PPM1L: variants seen among roughly 807,000 people sequenced by gnomAD.
PPM1L encodes protein phosphatase 1L.
PPM1L carries 13 observed loss-of-function variants against 31.4 expected under a neutral mutation model. That is an observed-to-expected ratio of 0.41 (90% CI 0.27 to 0.66). The LOEUF (loss-of-function observed/expected upper bound fraction) is 0.66. PPM1L is among the 30% of genes least tolerant of loss of function. The pLI, the probability that PPM1L is intolerant of heterozygous loss-of-function variation, is 0.29. For synonymous variants in PPM1L, 184 were observed against 175.4 expected, an observed-to-expected ratio of 1.05 and a Z score of -0.39; for missense variants, 326 against 453.7, an observed-to-expected ratio of 0.72 and a Z score of 2.56.
At chr3:160,761,010 T>C (rs1714955272) in intron 1 of PPM1L, among the ~76,000 whole-genome samples, 1 of 152,180 alleles carries the variant, frequency 6.6e-6, no homozygotes, top group Admixed American at 6.5e-5. Flanking sequence ...GAAAATAAAC[T>C]CCTTATGGAG....
At chr3:160,884,524 G>A (rs931372249) in intron 1 of PPM1L, among the ~76,000 whole-genome samples, 6 of 152,220 alleles carry the variant, frequency 3.9e-5, no homozygotes, top group African/African-American at 1.4e-4. Flanking sequence ...GGCACTGATA[G>A]TTTTAGCAGT....
At chr3:160,871,940 CT>C (rs909727301) in intron 1 of PPM1L, among the ~76,000 whole-genome samples, 358 of 151,342 alleles carry the variant, frequency 2.4e-3, no homozygotes, top group African/African-American at 8.4e-3. Context: ...ATTAAAGCAT[CT>C]TTTTTTTAAT....
chr3:160,968,622 T>A (rs1299261766), intron 2 of PPM1L, among the ~76,000 whole-genome samples: 1 of 152,212 alleles, frequency 6.6e-6, no homozygotes, highest in Non-Finnish European at 1.5e-5. Context: ...ACATATTCCT[T>A]TGTTAAGGAT....
chr3:160,926,894 A>G (rs1714612667), intron 1 of PPM1L, among the ~76,000 whole-genome samples: 1 of 152,230 alleles, frequency 6.6e-6, no homozygotes, highest in Non-Finnish European at 1.5e-5. Context: ...TTTAAGAGGC[A>G]AGGCACTTGT....
chr3:160,915,749 A>G (rs1278315702), intron 1 of PPM1L, among the ~76,000 whole-genome samples: 1 of 152,222 alleles, frequency 6.6e-6, no homozygotes, highest in African/African-American at 2.4e-5. Flanking sequence ...CTCAGAAATA[A>G]TGCTGCATAT....
chr3:160,774,708 T>C (rs952527279), intron 1 of PPM1L, among the ~76,000 whole-genome samples: 11 of 152,234 alleles, frequency 7.2e-5, no homozygotes, highest in Non-Finnish European at 1.2e-4. Flanking sequence ...CACATAGCCA[T>C]GGGGAAGAGG....
At chr3:160,912,735 A>C (rs1179231348) in intron 1 of PPM1L, among the ~76,000 whole-genome samples, 2 of 152,194 alleles carry the variant, frequency 1.3e-5, no homozygotes, top group Non-Finnish European at 2.9e-5. Flanking sequence ...TTATGTATGT[A>C]CTAATTTACT....
intron 1 of PPM1L, among the ~76,000 whole-genome samples, chr3:160,932,042 T>C (rs1331573442): frequency 2.0e-5 from 3 of 152,186 alleles, no homozygotes; most frequent in Admixed American, 2.0e-4. Context: ...ACTAATTTAT[T>C]TTATTTCAAA....
chr3:160,893,380 G>C lies in PPM1L; in HGVS notation c.400-68356G>C, dbSNP rs1713220026. 2.6e-5 allele frequency among the ~76,000 whole-genome samples: 4 copies of C among 152,106 alleles called. No homozygotes were observed. In the South Asian group the frequency reaches 8.3e-4, roughly 32 times the overall value. The stretch of plus-strand genomic sequence containing the variant: ...GTATATAGTGAACATCTTCCCTCCA[G>C]CTGAGCTTTTGAAATAGCTCACTCA... On this transcript the variant is annotated intron_variant, in intron 1 of 3. Transcript: ENST00000498165.
Position 161,076,135 on chromosome 3 carries a change from G to T in PPM1L, c.*6978G>T. 1 of 152,142 alleles carries T rather than the reference G, an allele frequency of 6.6e-6. No homozygotes were observed. The highest frequency in any genetic ancestry group is 1.9e-4 in the East Asian group (1 of 5,198). 9.4% of individuals were successfully genotyped at this position (152,142 alleles called of 1,614,324 possible). On this transcript the variant is annotated 3_prime_UTR_variant, in exon 4 of 4. Transcript: ENST00000498165. ...AGTTTTCTAATCCATATAATGCAAT[G>T]GGTCAGGTTGCTCATATGATTAAAA...
chr3:160,973,782 T>G (rs1310077014), intron 2 of PPM1L, among the ~76,000 whole-genome samples: 5 of 97,836 alleles, frequency 5.1e-5, no homozygotes, highest in African/African-American at 1.7e-4. Context: ...TTTTTTTTTT[T>G]TTTTTTTTTT....
intron 1 of PPM1L, among the ~76,000 whole-genome samples, chr3:160,901,370 A>G (rs907049248): frequency 2.0e-5 from 3 of 151,996 alleles, no homozygotes; most frequent in Non-Finnish European, 4.4e-5. Flanking sequence ...TCCACACCCC[A>G]TTCTCTGACA....
chr3:160,923,769 CT>C (rs1416163357), intron 1 of PPM1L, among the ~76,000 whole-genome samples: 1 of 152,194 alleles, frequency 6.6e-6, no homozygotes, highest in African/African-American at 2.4e-5. Context: ...AAGAATGATT[CT>C]CTGACTGGCA....
At chr3:161,022,073 C>T in intron 2 of PPM1L, 1 of 586,828 alleles carries the variant, frequency 1.7e-6, no homozygotes, top group Non-Finnish European at 3.0e-6. Flanking sequence ...GTATTTTGTT[C>T]CTTTATCACT....
At chr3:160,810,099 A>G (rs949066486) in intron 1 of PPM1L, among the ~76,000 whole-genome samples, 16 of 151,852 alleles carry the variant, frequency 1.1e-4, no homozygotes, top group African/African-American at 3.6e-4. Context: ...TTGCATCATG[A>G]CTGATATTAC....
intron 1 of PPM1L, among the ~76,000 whole-genome samples, chr3:160,925,330 GTTT>G (rs371928154): frequency 1.3e-5 from 2 of 152,076 alleles, no homozygotes; most frequent in Admixed American, 1.3e-4. Flanking sequence ...TTTTTGAGAG[GTTT>G]TTTATTTATT....
At chr3:160,898,166 GA>G (rs1431476658) in intron 1 of PPM1L, among the ~76,000 whole-genome samples, 1 of 152,076 alleles carries the variant, frequency 6.6e-6, no homozygotes, top group Non-Finnish European at 1.5e-5. Context: ...TTGGCATGCA[GA>G]GCCTCATATA....
At chr3:160,973,695 A>G (rs1223063846) in intron 2 of PPM1L, among the ~76,000 whole-genome samples, 1 of 136,468 alleles carries the variant, frequency 7.3e-6, no homozygotes, top group Non-Finnish European at 1.6e-5. Context: ...TGCAAATGTT[A>G]TGTTCAGTCT....
chr3:160,944,154 A>G (rs1161932786), intron 1 of PPM1L, among the ~76,000 whole-genome samples: 1 of 152,008 alleles, frequency 6.6e-6, no homozygotes, highest in Non-Finnish European at 1.5e-5. Flanking sequence ...TTCACTAAGC[A>G]GTTCATTATT....
Sources: allele counts gnomAD v4.1 joint callset (sites outside exome capture counted in the v4.1 genomes callset), GRCh38; gene constraint gnomAD v4.1.1; transcripts MANE v1.5; gene names NCBI Gene and HGNC (gene_info 2026-07-23, HGNC 2026-07-21).